The following DLG2 variants were observed in gnomAD, a reference collection of about 807,000 sequenced individuals.
DLG2 encodes the protein discs large MAGUK scaffold protein 2.
DLG2 carries 45 observed loss-of-function variants against 132.5 expected under a neutral mutation model. That is an observed-to-expected ratio of 0.34 (90% CI 0.27 to 0.44). The LOEUF is 0.44. DLG2 is among the 20% of genes least tolerant of loss of function. The probability of loss-of-function intolerance (pLI) is 1.00; values close to 1 mark genes in which losing one functional copy is unlikely to be tolerated. For synonymous variants in DLG2, 424 were observed against 419.6 expected (o/e 1.01, Z -0.13); for missense variants, 1,045 against 1,196.9 (o/e 0.87, Z 1.87).
At position 85,245,895 on chromosome 11, in the gene DLG2, G is replaced by C. The variant is rs963211854; in HGVS notation, c.186+39325C>G. Among the ~76,000 whole-genome samples the C allele has an allele frequency of 4.6e-5, 7 of 151,858 alleles. No individual in the cohort carries two copies. In the South Asian group the frequency reaches 8.3e-4, roughly 18 times the overall value. On this transcript the variant is annotated intron_variant, in intron 4 of 27. Coordinates refer to ENST00000376104, the MANE Select transcript of DLG2 (RefSeq NM_001142699.3). ...TAGATTAGTTGTTCTCTCTGCTTGA[G>C]ATTCTGTTTCTGTAAAAATCCACAT... is the stretch of plus-strand genomic sequence containing the variant.
chr11:84,073,368 T>C (rs1238027829), intron 10 of DLG2, among the ~76,000 whole-genome samples: 1 of 150,654 alleles, frequency 6.6e-6, no homozygotes, highest in Non-Finnish European at 1.5e-5. Context: ...ACTCCAGTGA[T>C]AGGGCAAGGC....
intron 18 of DLG2, among the ~76,000 whole-genome samples, chr11:83,764,122 A>G (rs1415137975): frequency 1.3e-5 from 2 of 152,230 alleles, no homozygotes; most frequent in African/African-American, 4.8e-5. Context: ...GAATGGGAGT[A>G]TGCCTCATAC....
Position 83,924,695 on chromosome 11 carries a change from T to C in DLG2, c.1496+5633A>G, listed in dbSNP as rs2078624541. Among the ~76,000 whole-genome samples the C allele has an allele frequency of 2.6e-5, 4 of 152,102 alleles. No individual in the cohort carries two copies. The South Asian group carries it at 8.3e-4, about 32-fold the overall frequency. On this transcript the variant is annotated intron_variant, in intron 15 of 27. Transcript: ENST00000376104. ...AATTCATTCTCACCTCAGCCTGAGGTACTATTCAGGGGCTTACCATAACTC... is the reference window on the plus strand; with the variant it reads ...AATTCATTCTCACCTCAGCCTGAGGCACTATTCAGGGGCTTACCATAACTC...
chr11:85,385,298 T>C (rs1023968880), intron 3 of DLG2, among the ~76,000 whole-genome samples: 4 of 152,192 alleles, frequency 2.6e-5, no homozygotes, highest in Non-Finnish European at 5.9e-5. Flanking sequence ...AGGGCTGCAG[T>C]CCAGGTTGAA....
chr11:84,564,431 T>A (rs902836213), intron 6 of DLG2, among the ~76,000 whole-genome samples: 2 of 152,130 alleles, frequency 1.3e-5, no homozygotes, highest in Admixed American at 1.3e-4. Context: ...CCTTGAAAGA[T>A]CCCATCCGAG....
intron 6 of DLG2, among the ~76,000 whole-genome samples, chr11:84,859,416 GTATACATATACATA>G (rs1566175000): frequency 6.4e-5 from 9 of 139,706 alleles, no homozygotes; most frequent in African/African-American, 2.2e-4. Flanking sequence ...ACATATATAT[GTATACATATACATA>G]TATATGTATA....
intron 7 of DLG2, among the ~76,000 whole-genome samples, chr11:84,251,519 A>ATAATTTACATTCATT (rs1567069602): frequency 6.6e-6 from 1 of 152,172 alleles, no homozygotes. Flanking sequence ...AAGCATTCAT[A>ATAATTTACATTCATT]TAATTTACAT....
rs72479283 is a variant in DLG2 at position 85,083,913 on chromosome 11, A to G, written c.357+27748T>C. Among the ~76,000 whole-genome samples the G allele has an allele frequency of 5.4e-4, 82 of 152,260 alleles. No individual in the cohort carries two copies. The East Asian group carries it at 0.014, about 26-fold the overall frequency. On this transcript the variant is annotated intron_variant, in intron 6 of 27. Transcript: ENST00000376104. Reference sequence around the variant, plus strand: ...GACCACCCATTCTCAACATGGCCTAAACTCATGTTTCAGATTAACTTTGGA... The same window carrying G: ...GACCACCCATTCTCAACATGGCCTAGACTCATGTTTCAGATTAACTTTGGA...
intron 18 of DLG2, among the ~76,000 whole-genome samples, chr11:83,716,338 G>C (rs2086697691): frequency 6.6e-6 from 1 of 152,128 alleles, no homozygotes; most frequent in Non-Finnish European, 1.5e-5. Context: ...AGCCAGTCCT[G>C]GGGTTCTTGG....
At chr11:85,137,757 T>C (rs1316691705) in intron 5 of DLG2, among the ~76,000 whole-genome samples, 1 of 152,166 alleles carries the variant, frequency 6.6e-6, no homozygotes, top group South Asian at 2.1e-4. Context: ...CCTGTCTATC[T>C]GTTCCCCATA....
intron 6 of DLG2, among the ~76,000 whole-genome samples, chr11:85,043,101 C>T (rs957110796): frequency 4.0e-5 from 6 of 151,854 alleles, no homozygotes; most frequent in Non-Finnish European, 8.8e-5. Context: ...GCCATCCCTA[C>T]ACTAATAGAT....
chr11:84,443,276 T>C (rs2099022993), intron 7 of DLG2, among the ~76,000 whole-genome samples: 1 of 152,184 alleles, frequency 6.6e-6, no homozygotes, highest in African/African-American at 2.4e-5. Flanking sequence ...TTTGTCATAT[T>C]TGATTCAGAT....
chr11:85,227,584 T>C (rs2075049883), intron 4 of DLG2, among the ~76,000 whole-genome samples: 1 of 152,184 alleles, frequency 6.6e-6, no homozygotes, highest in South Asian at 2.1e-4. Context: ...TCTATCTGCC[T>C]TGCATAATTC....
At chr11:83,590,831 TACAAAC>T (rs1555223079) in intron 19 of DLG2, among the ~76,000 whole-genome samples, 1 of 151,988 alleles carries the variant, frequency 6.6e-6, no homozygotes, top group Non-Finnish European at 1.5e-5. Flanking sequence ...CTCACAGAAA[TACAAAC>T]TACCATCAGA....
chr11:85,147,794 T>A (rs182187147), intron 5 of DLG2, among the ~76,000 whole-genome samples: 23 of 152,274 alleles, frequency 1.5e-4, no homozygotes, highest in African/African-American at 5.5e-4. Context: ...AATGTGCAGA[T>A]TTGTTACATA....
intron 11 of DLG2, among the ~76,000 whole-genome samples, chr11:83,996,394 A>G (rs897444562): frequency 2.0e-5 from 3 of 152,230 alleles, no homozygotes; most frequent in Admixed American, 2.0e-4. Flanking sequence ...TAGTACAACC[A>G]CTATGGAGAA....
chr11:84,199,254 A>G (rs2096561787), intron 8 of DLG2, among the ~76,000 whole-genome samples: 1 of 152,190 alleles, frequency 6.6e-6, no homozygotes, highest in African/African-American at 2.4e-5. Context: ...TGAAGTTGAC[A>G]TAAACAAAAT....
intron 6 of DLG2, among the ~76,000 whole-genome samples, chr11:84,719,150 T>C (rs2061523922): frequency 1.3e-5 from 2 of 152,146 alleles, no homozygotes; most frequent in African/African-American, 4.8e-5. Flanking sequence ...TGACTCCCAA[T>C]TTTTCCGTTA....
intron 6 of DLG2, among the ~76,000 whole-genome samples, chr11:84,791,922 T>A (rs2073905698): frequency 6.6e-6 from 1 of 152,192 alleles, no homozygotes. Context: ...ATGCCTTTTA[T>A]ATCTTTCTAT....
Sources: allele counts gnomAD v4.1 joint callset (sites outside exome capture counted in the v4.1 genomes callset), GRCh38; gene constraint gnomAD v4.1.1; transcripts MANE v1.5; gene names NCBI Gene and HGNC (gene_info 2026-07-23, HGNC 2026-07-21).